The following GRIA3 variants were observed in gnomAD, a reference collection of about 807,000 sequenced individuals.
GRIA3 encodes glutamate receptor 3.
In GRIA3, 3 loss-of-function variants were observed where a neutral mutation model predicts 63.0. The observed-to-expected ratio is 0.05, with a 90% CI of 0.02 to 0.12. The LOEUF is 0.12. Among genes scored for constraint, GRIA3 ranks in the 10% least tolerant of loss-of-function variants. The probability of loss-of-function intolerance (pLI) is 1.00; values close to 1 mark genes in which losing one functional copy is unlikely to be tolerated. For missense variants in GRIA3, 347 were observed against 700.9 expected (o/e 0.50, Z 5.70); for synonymous variants, 274 against 257.9 (o/e 1.06, Z -0.60).
chrX:123,418,661 G>T (rs1296284810), intron 11 of GRIA3, among the ~76,000 whole-genome samples: 2 of 112,114 alleles, frequency 1.8e-5, no homozygotes, highest in Non-Finnish European at 3.8e-5. Flanking sequence ...ACTCAACATT[G>T]TTGGCCATTA....
At chrX:123,464,799 A>C in intron 12 of GRIA3, 66 bp from the exon 13 acceptor site, 3 of 1,047,031 alleles carry the variant, frequency 2.9e-6, no homozygotes, top group Non-Finnish European at 4.0e-6. Flanking sequence ...AAAAAAAACT[A>C]CTGCACTAAC....
At chrX:123,371,184 T>G (rs1425257666) in intron 5 of GRIA3, among the ~76,000 whole-genome samples, 2 of 110,577 alleles carry the variant, frequency 1.8e-5, no homozygotes, top group Admixed American at 2.0e-4. Flanking sequence ...GACCTCCAGT[T>G]CCATCCATGT....
chrX:123,239,331 G>C (rs1191944416), intron 2 of GRIA3, among the ~76,000 whole-genome samples: 2 of 110,493 alleles, frequency 1.8e-5, no homozygotes, highest in Non-Finnish European at 3.8e-5. Context: ...GTTCTCGTCA[G>C]AACTAATCTG....
At chrX:123,184,764 C>A (rs1318834248) in intron 1 of GRIA3, 120 bp downstream of exon 1, 7 of 304,495 alleles carry the variant, frequency 2.3e-5, no homozygotes, top group African/African-American at 3.2e-5. Flanking sequence ...GGACTGGGGC[C>A]GGGACCGGGC....
At chrX:123,470,823 C>G (rs758044934) in intron 13 of GRIA3, among the ~76,000 whole-genome samples, 1 of 112,309 alleles carries the variant, frequency 8.9e-6, no homozygotes, top group African/African-American at 3.2e-5. Context: ...GGATATGAAT[C>G]TGCATCTGCC....
At chrX:123,314,367 G>T (rs1028778887) in intron 3 of GRIA3, among the ~76,000 whole-genome samples, 1 of 112,446 alleles carries the variant, frequency 8.9e-6, no homozygotes, top group Non-Finnish European at 1.9e-5. Context: ...GTCTATCCCA[G>T]AACAATTATT....
In GRIA3 at chrX:123,258,532, A is replaced by G. The variant is rs897835739; in HGVS notation, c.508+4990A>G. Among the ~76,000 whole-genome samples the G allele has an allele frequency of 5.4e-5, 6 of 111,410 alleles. No individual in the cohort carries two copies. The Admixed American group carries it at 5.7e-4, about 11-fold the overall frequency. ...GTTATTAGACTTATCTTTTGGGTGCAAGTGACCTAGTTCTCTGTGGTGCTA... is the reference window on the plus strand; with the variant it reads ...GTTATTAGACTTATCTTTTGGGTGCGAGTGACCTAGTTCTCTGTGGTGCTA... On this transcript the variant is annotated intron_variant, in intron 3 of 15. Transcript: ENST00000620443.
chrX:123,379,376 T>C (rs1244215651), intron 5 of GRIA3, among the ~76,000 whole-genome samples: 1 of 111,386 alleles, frequency 9.0e-6, no homozygotes, highest in East Asian at 2.8e-4. Context: ...AAAAGTATGG[T>C]GCCTTAAAAT....
At chrX:123,392,221 A>G (rs1356643216) in intron 5 of GRIA3, among the ~76,000 whole-genome samples, 2 of 112,076 alleles carry the variant, frequency 1.8e-5, no homozygotes, top group Non-Finnish European at 3.8e-5. Context: ...GCTCTTTTAA[A>G]TATGTAGCAG....
At chrX:123,318,686 C>T (rs1190918396) in intron 3 of GRIA3, among the ~76,000 whole-genome samples, 2 of 111,810 alleles carry the variant, frequency 1.8e-5, no homozygotes, top group Non-Finnish European at 3.8e-5. Flanking sequence ...CAAAGCAATT[C>T]GACAAGTCTC....
chrX:123,278,866 C>T (rs2044569758), intron 3 of GRIA3, among the ~76,000 whole-genome samples: 1 of 111,736 alleles, frequency 8.9e-6, no homozygotes, highest in South Asian at 3.7e-4. Flanking sequence ...TGTGATGCCT[C>T]CAGCTTTGTT....
chrX:123,301,631 G>A (rs1384180804), intron 3 of GRIA3, among the ~76,000 whole-genome samples: 1 of 111,871 alleles, frequency 8.9e-6, no homozygotes, highest in Non-Finnish European at 1.9e-5. Context: ...CTGATGCACA[G>A]AGAAGTTGAA....
chrX:123,469,948 G>A (rs1335938870), intron 13 of GRIA3, among the ~76,000 whole-genome samples: 1 of 112,042 alleles, frequency 8.9e-6, no homozygotes. Context: ...AGATAGGGTA[G>A]GGTCAGTGAA....
At chrX:123,446,297 C>T (rs1480690382) in intron 12 of GRIA3, among the ~76,000 whole-genome samples, 1 of 112,451 alleles carries the variant, frequency 8.9e-6, no homozygotes, top group South Asian at 3.7e-4. Flanking sequence ...ATTGTACCAT[C>T]TTAAACATTC....
intron 12 of GRIA3, among the ~76,000 whole-genome samples, chrX:123,438,697 A>C (rs1297209175): frequency 2.7e-5 from 3 of 111,361 alleles, no homozygotes; most frequent in Non-Finnish European, 5.7e-5. Context: ...TAATTTTTGT[A>C]TTTTTAGTAG....
rs772101704 is a variant in GRIA3 at position 123,373,007 on chromosome X, C to T, written c.750+18044C>T. 1.4e-3 allele frequency among the ~76,000 whole-genome samples: 148 copies of T among 109,172 alleles called. 1 individual carries two copies. The highest frequency in any genetic ancestry group is 4.7e-3 in the Middle Eastern group (1 of 215). 94.8% of individuals were successfully genotyped at this position (109,172 alleles called of 115,157 possible). ...ATTAGGTATTTCTCCTAATGCTATC[C>T]CTCCCCTAGCCCCCCACCCCACAAC... On this transcript the variant is annotated intron_variant, in intron 5 of 15. Coordinates refer to ENST00000620443, the MANE Select transcript of GRIA3 (RefSeq NM_007325.5).
At chrX:123,443,108 G>A (rs748136824) in intron 12 of GRIA3, among the ~76,000 whole-genome samples, 5 of 111,640 alleles carry the variant, frequency 4.5e-5, no homozygotes, top group Admixed American at 1.9e-4. Flanking sequence ...TGGCACTGTC[G>A]CATTGATGCT....
chrX:123,352,085 A>T (rs1050949121), intron 4 of GRIA3, among the ~76,000 whole-genome samples: 53 of 102,219 alleles, frequency 5.2e-4, no homozygotes, highest in Non-Finnish European at 7.5e-4. Flanking sequence ...CATTTCAAAC[A>T]TTTTTTTTTT....
chrX:123,269,372 A>G (rs141043228), intron 3 of GRIA3, among the ~76,000 whole-genome samples: 6,196 of 111,836 alleles, frequency 0.055, 233 homozygotes, highest in African/African-American at 0.13. Context: ...CATAGTTAGC[A>G]TTCTGTAAGT....
Sources: gnomAD v4.1 joint callset for allele counts (sites outside exome capture counted in the v4.1 genomes callset) on GRCh38, gnomAD v4.1.1 for gene constraint, MANE v1.5 for transcripts, NCBI Gene and HGNC (gene_info 2026-07-23, HGNC 2026-07-21) for gene names.